SPDL1: variants seen among roughly 807,000 people sequenced by gnomAD.
The protein encoded by SPDL1 is protein Spindly.
A neutral mutation model predicts 79.5 loss-of-function variants in SPDL1; 85 were observed. The observed-to-expected ratio is 1.07, with a 90% CI of 0.90 to 1.28. The LOEUF (loss-of-function observed/expected upper bound fraction) is 1.28. Ranked by LOEUF, SPDL1 falls within the 50% of genes most tolerant of loss-of-function variation. SPDL1 has a pLI of 0.00. For missense variants in SPDL1, 703 were observed against 697.8 expected (o/e 1.01, Z -0.08); for synonymous variants, 269 against 240.3 (o/e 1.12, Z -1.10).
intron 1 of SPDL1, among the ~76,000 whole-genome samples, chr5:169,585,197 C>T (rs900282543): frequency 6.6e-6 from 1 of 152,172 alleles, no homozygotes; most frequent in African/African-American, 2.4e-5. Flanking sequence ...TTCCCTTCTA[C>T]GCGCTGCCCC....
Position 169,601,288 on chromosome 5 carries a change from G to A in SPDL1, c.1333G>A (p.Glu445Lys), listed in dbSNP as rs759699420. ...CTCGTTTTTATTCTCAGAGACAGTT[G>A]AAGTGCCTGTACTGAAAAAGAGGCG... ...KLKYEPEETV[E>K]VPVLKKRREV... Residue 445 changes from glutamate to lysine, a missense_variant, in exon 11 of 12, where the codon GAA (glutamate) becomes AAA (lysine). Physicochemically the swap from Glu to Lys is moderately conservative, Grantham distance 56 (BLOSUM62 1). Transcript: ENST00000265295. 1.2e-6 allele frequency: 2 copies of A among 1,602,956 alleles called. No homozygotes were observed. Among genetic ancestry groups the A allele is most frequent in the Non-Finnish European group, 1.7e-6 (2 of 1,175,572 alleles).
chr5:169,598,668 C>T (rs948353376), intron 9 of SPDL1, 89 bp downstream of exon 9: 5 of 1,182,920 alleles, frequency 4.2e-6, no homozygotes, highest in African/African-American at 1.5e-5. Context: ...TTTGAAATTG[C>T]CAAAGGAAAT....
chr5:169,601,614 T>C lies in SPDL1; in HGVS notation c.1659T>C (p.Pro553=). 1 of 1,614,072 alleles carries C rather than the reference T, an allele frequency of 6.2e-7. No individual in the cohort carries two copies. Among genetic ancestry groups the C allele is most frequent in the Non-Finnish European group, 8.5e-7 (1 of 1,179,972 alleles). Residue 553 remains proline, a synonymous_variant, in exon 11 of 12, where the codon CCT becomes CCC. Coordinates refer to ENST00000265295, the MANE Select transcript of SPDL1 (RefSeq NM_017785.5). ...EALSERSGNT[P]NSPRLAAESK... The stretch of plus-strand genomic sequence containing the variant: ...TAAGTGAAAGAAGTGGAAACACCCC[T>C]AACTCTCCCAGGTCAGTGTCCTCTT...
intron 10 of SPDL1, among the ~76,000 whole-genome samples, chr5:169,599,685 G>C (rs1755782422): frequency 6.6e-6 from 1 of 152,168 alleles, no homozygotes; most frequent in Admixed American, 6.5e-5. Flanking sequence ...GCAGAATTTA[G>C]TCATGCAGCC....
intron 2 of SPDL1, chr5:169,590,688 C>G (rs1755228478): frequency 2.2e-6 from 1 of 458,192 alleles, no homozygotes; most frequent in South Asian, 1.5e-5. Context: ...TAGAGCATCT[C>G]ATTATCAAAC....
chr5:169,598,468 T>C lies in SPDL1; in HGVS notation c.1033-8T>C. The stretch of plus-strand genomic sequence containing the variant: ...ATTTTAAGTAATACAAACTTTTGCT[T>C]TTTTAAGAATTTATATGACAGTATG... On this transcript the variant is annotated splice_region_variant and splice_polypyrimidine_tract_variant and intron_variant, in intron 8 of 11. Transcript: ENST00000265295. 6.3e-7 allele frequency: 1 copy of C among 1,595,444 alleles called. No homozygotes were observed. Among genetic ancestry groups the C allele is most frequent in the African/African-American group, 1.3e-5 (1 of 74,370 alleles).
chr5:169,584,361 G>T (rs1754867721), intron 1 of SPDL1, among the ~76,000 whole-genome samples: 1 of 151,946 alleles, frequency 6.6e-6, no homozygotes, highest in Non-Finnish European at 1.5e-5. Flanking sequence ...AATCATGATG[G>T]CTCCTAGAAC....
At chr5:169,592,417 A>T (rs143063990) in intron 3 of SPDL1, among the ~76,000 whole-genome samples, 1 of 151,850 alleles carries the variant, frequency 6.6e-6, no homozygotes, top group Non-Finnish European at 1.5e-5. Context: ...GGGTTTCACC[A>T]TGTTGGTCAG....
At chr5:169,584,905 G>A (rs1327564588) in intron 1 of SPDL1, among the ~76,000 whole-genome samples, 1 of 152,150 alleles carries the variant, frequency 6.6e-6, no homozygotes, top group Non-Finnish European at 1.5e-5. Flanking sequence ...AGCTACTCGG[G>A]AGGCTGAGGC....
At position 169,601,580 on chromosome 5, in the gene SPDL1, C is replaced by A. The variant is rs1334359340; in HGVS notation, c.1625C>A (p.Ala542Asp). The A allele has an allele frequency of 1.9e-6, 3 of 1,614,086 alleles. No individual in the cohort carries two copies. In the African/African-American group the frequency reaches 4.0e-5, roughly 22 times the overall value. Residue 542 changes from alanine (A) to aspartate (D), a missense_variant, in exon 11 of 12, where the codon GCT becomes GAT. Physicochemically the swap from Ala to Asp is moderately radical, Grantham distance 126. Transcript: ENST00000265295. The part of the protein sequence containing the change: ...CVKLIGVPAD[A>D]EALSERSGNT... ...AAACTCATAGGAGTTCCCGCTGACG[C>A]TGAGGCCTTAAGTGAAAGAAGTGGA...
At chr5:169,591,025 AT>A (rs765008095) in intron 2 of SPDL1, 22 bp from the exon 3 acceptor site, 2 of 1,585,234 alleles carry the variant, frequency 1.3e-6, no homozygotes, top group Non-Finnish European at 1.7e-6. Context: ...ATGTAATTGA[AT>A]TGTAATTGAA....
intron 10 of SPDL1, among the ~76,000 whole-genome samples, chr5:169,599,905 A>C (rs1436602769): frequency 1.3e-5 from 2 of 152,296 alleles, no homozygotes; most frequent in East Asian, 1.9e-4. Context: ...GCAAGACCCC[A>C]TTCTCCACCA....
rs1716508541 is a variant in SPDL1 at position 169,604,369 on chromosome 5, ACT to A, written c.*165_*166del. ...TGACCAAGTGTTCAGAATTTGCTTG[ACT>A]CTAACCTGGAGAGCTTCTTAAGTGA... On this transcript the variant is annotated 3_prime_UTR_variant, in exon 12 of 12. Coordinates refer to ENST00000265295, the MANE Select transcript of SPDL1 (RefSeq NM_017785.5). The A allele has an allele frequency of 1.7e-6, 1 of 583,252 alleles. No individual in the cohort carries two copies. Among genetic ancestry groups the A allele is most frequent in the Non-Finnish European group, 2.7e-6 (1 of 370,766 alleles). 36.1% of individuals were successfully genotyped at this position (583,252 alleles called of 1,614,324 possible).
intron 11 of SPDL1, 97 bp downstream of exon 11, chr5:169,601,722 T>TA (rs1464831563): frequency 1.8e-6 from 2 of 1,092,974 alleles, no homozygotes; most frequent in Non-Finnish European, 2.7e-6. Context: ...TCTACTTTCT[T>TA]ACAATTGCAT....
intron 1 of SPDL1, chr5:169,584,102 T>C (rs1402046175): frequency 1.3e-5 from 2 of 152,166 alleles, no homozygotes; most frequent in African/African-American, 2.4e-5. Flanking sequence ...TCTGGACAAA[T>C]ATGGAACGTT....
intron 8 of SPDL1, 76 bp from the exon 9 acceptor site, chr5:169,598,400 G>T (rs1458840256): frequency 4.5e-6 from 4 of 892,354 alleles, no homozygotes; most frequent in Non-Finnish European, 5.5e-6. Context: ...AGGAAGTGAT[G>T]GTGCTATTAT....
intron 2 of SPDL1, among the ~76,000 whole-genome samples, chr5:169,589,696 T>G (rs1329776025): frequency 6.6e-6 from 1 of 151,920 alleles, no homozygotes; most frequent in African/African-American, 2.4e-5. Context: ...TTCACTTTTT[T>G]TTTCTTTTTT....
chr5:169,601,369 G>A lies in SPDL1; in HGVS notation c.1414G>A (p.Ala472Thr). The stretch of plus-strand genomic sequence containing the variant: ...TAAAGATGCATGTGTCAACAACAGT[G>A]CTCTCGGGGGAGAAGTTTATCGATT... ...TAKDACVNNS[A>T]LGGEVYRLPP... is the part of the protein sequence containing the mutation. Residue 472 changes from alanine to threonine, a missense_variant, in exon 11 of 12, where the codon GCT becomes ACT. Transcript: ENST00000265295. 1 of 1,614,072 alleles carries A rather than the reference G, an allele frequency of 6.2e-7. No individual in the cohort carries two copies. Among genetic ancestry groups the A allele is most frequent in the East Asian group, 2.2e-5 (1 of 44,880 alleles).
At chr5:169,600,466 A>G (rs1309809537) in intron 10 of SPDL1, among the ~76,000 whole-genome samples, 1 of 152,212 alleles carries the variant, frequency 6.6e-6, no homozygotes, top group East Asian at 1.9e-4. Flanking sequence ...AGGGGAAATC[A>G]TGGTCTAAAA....
Sources: gnomAD v4.1 joint callset for allele counts (sites outside exome capture counted in the v4.1 genomes callset) on GRCh38, gnomAD v4.1.1 for gene constraint, MANE v1.5 for transcripts, NCBI Gene and HGNC (gene_info 2026-07-23, HGNC 2026-07-21) for gene names.